NAALADL2: variants seen among roughly 807,000 people sequenced by gnomAD.
The protein encoded by NAALADL2 is N-acetylated alpha-linked acidic dipeptidase like 2, also known as inactive N-acetylated-alpha-linked acidic dipeptidase-like protein 2.
Under a neutral mutation model 87.2 loss-of-function variants are expected in NAALADL2, and 76 were observed. That is an observed-to-expected ratio of 0.87 (90% CI 0.72 to 1.05). The LOEUF (loss-of-function observed/expected upper bound fraction) is 1.05, where lower values mean the gene tolerates loss of function less well. Among genes scored for constraint, NAALADL2 ranks in the 50% least tolerant of loss-of-function variants. The probability of loss-of-function intolerance (pLI) is 0.00; values close to 1 mark genes in which losing one functional copy is unlikely to be tolerated. For synonymous variants in NAALADL2, 354 were observed against 331.0 expected (o/e 1.07, Z -0.75); for missense variants, 1,089 against 945.8 (o/e 1.15, Z -1.99).
intron 2 of NAALADL2, among the ~76,000 whole-genome samples, chr3:174,564,573 C>A (rs114002155): frequency 0.016 from 2,382 of 152,056 alleles, 71 homozygotes; most frequent in African/African-American, 0.054. Context: ...GTCTAAGTAA[C>A]CTAATAGTAT....
chr3:174,874,042 GTTT>G (rs1277257690), intron 1 of NAALADL2, among the ~76,000 whole-genome samples: 1 of 152,046 alleles, frequency 6.6e-6, no homozygotes, highest in Non-Finnish European at 1.5e-5. Flanking sequence ...CTGGAGTGCT[GTTT>G]TTCCTGGGCT....
intron 4 of NAALADL2, among the ~76,000 whole-genome samples, chr3:175,290,070 A>G (rs1755465089): frequency 6.6e-6 from 1 of 152,216 alleles, no homozygotes. Flanking sequence ...AGGCTGTGTG[A>G]TAAGAATGCA....
At chr3:175,563,777 A>G (rs1466061439) in intron 9 of NAALADL2, among the ~76,000 whole-genome samples, 7 of 152,188 alleles carry the variant, frequency 4.6e-5, no homozygotes, top group African/African-American at 1.7e-4. Flanking sequence ...CGACCAAGGT[A>G]ATGGCCCTTA....
chr3:174,470,909 G>T (rs754695832), intron 1 of NAALADL2, among the ~76,000 whole-genome samples: 1 of 152,016 alleles, frequency 6.6e-6, no homozygotes, highest in Non-Finnish European at 1.5e-5. Context: ...CTTCCTTTTT[G>T]TTGGACATTT....
chr3:174,984,188 T>G (rs920661482), intron 1 of NAALADL2, among the ~76,000 whole-genome samples: 22 of 152,294 alleles, frequency 1.4e-4, no homozygotes, highest in African/African-American at 4.8e-4. Context: ...TATAAAAACA[T>G]AAAAGGTTGG....
intron 11 of NAALADL2, among the ~76,000 whole-genome samples, chr3:175,687,813 A>C (rs1736508333): frequency 6.6e-6 from 1 of 151,838 alleles, no homozygotes; most frequent in Non-Finnish European, 1.5e-5. Flanking sequence ...TAGTTGTTTA[A>C]AAAGTGTAGC....
At chr3:174,679,025 G>A (rs1305027062) in intron 2 of NAALADL2, among the ~76,000 whole-genome samples, 1 of 152,028 alleles carries the variant, frequency 6.6e-6, no homozygotes, top group Non-Finnish European at 1.5e-5. Context: ...GTCTAGATAC[G>A]AATTTCTGTT....
chr3:174,592,210 T>C (rs1032602142), intron 2 of NAALADL2, among the ~76,000 whole-genome samples: 1 of 150,934 alleles, frequency 6.6e-6, no homozygotes, highest in Non-Finnish European at 1.5e-5. Context: ...GTATTTCTTT[T>C]TATTTATTTA....
chr3:174,604,763 T>G (rs1230875161), intron 2 of NAALADL2, among the ~76,000 whole-genome samples: 1 of 151,752 alleles, frequency 6.6e-6, no homozygotes, highest in Non-Finnish European at 1.5e-5. Flanking sequence ...TTTTCTTTTC[T>G]TTCTTTCTTT....
intron 2 of NAALADL2, among the ~76,000 whole-genome samples, chr3:175,224,692 A>G (rs1209926960): frequency 1.3e-5 from 2 of 152,104 alleles, no homozygotes; most frequent in African/African-American, 2.4e-5. Context: ...TCAGAAATAT[A>G]CCATTGTCAA....
chr3:174,870,000 C>T (rs939034906), intron 1 of NAALADL2, among the ~76,000 whole-genome samples: 2 of 135,766 alleles, frequency 1.5e-5, no homozygotes, highest in African/African-American at 5.7e-5. Context: ...ACTCCGTCCC[C>T]ACCCGCCAAA....
chr3:175,505,204 G>T (rs1441464890), intron 9 of NAALADL2, among the ~76,000 whole-genome samples: 2 of 151,430 alleles, frequency 1.3e-5, no homozygotes, highest in Non-Finnish European at 2.9e-5. Flanking sequence ...GTTCAGTGTT[G>T]CAGTGAGCTA....
At chr3:175,613,043 T>C (rs183532139) in intron 10 of NAALADL2, among the ~76,000 whole-genome samples, 2 of 151,326 alleles carry the variant, frequency 1.3e-5, no homozygotes, top group Non-Finnish European at 3.0e-5. Flanking sequence ...TCTGAGACTT[T>C]GGCGTGTCTT....
intron 3 of NAALADL2, among the ~76,000 whole-genome samples, chr3:174,844,344 T>C (rs1724356776): frequency 6.6e-6 from 1 of 152,118 alleles, no homozygotes; most frequent in Non-Finnish European, 1.5e-5. Flanking sequence ...ATTTCATTGA[T>C]TTATGTGTTC....
chr3:175,246,645 TTTTA>T (rs1414378855), intron 3 of NAALADL2, among the ~76,000 whole-genome samples: 1 of 152,178 alleles, frequency 6.6e-6, no homozygotes, highest in African/African-American at 2.4e-5. Flanking sequence ...TTAATTACTG[TTTTA>T]TTTATTGTGT....
At chr3:175,129,962 G>C (rs1727556196) in intron 2 of NAALADL2, among the ~76,000 whole-genome samples, 1 of 152,034 alleles carries the variant, frequency 6.6e-6, no homozygotes, top group Admixed American at 6.6e-5. Flanking sequence ...CCACATCCTT[G>C]CCAACACTTG....
At chr3:174,632,721 G>A (rs531979303) in intron 2 of NAALADL2, among the ~76,000 whole-genome samples, 293 of 152,036 alleles carry the variant, frequency 1.9e-3, no homozygotes, top group Middle Eastern at 6.8e-3. Context: ...AGATTGCGAG[G>A]TCAGGAGATC....
chr3:175,503,113 T>A (rs1297841155), intron 9 of NAALADL2, among the ~76,000 whole-genome samples: 1 of 152,098 alleles, frequency 6.6e-6, no homozygotes, highest in Non-Finnish European at 1.5e-5. Context: ...CCTTGGTGTC[T>A]ATTGTTTCCT....
chr3:175,314,690 A>AG (rs1230116243), intron 4 of NAALADL2, among the ~76,000 whole-genome samples: 2 of 51,458 alleles, frequency 3.9e-5, no homozygotes, highest in African/African-American at 1.6e-4. Context: ...ATATATATAT[A>AG]TATATATATA....
Sources: gnomAD v4.1 joint callset for allele counts (sites outside exome capture counted in the v4.1 genomes callset) on GRCh38, gnomAD v4.1.1 for gene constraint, MANE v1.5 for transcripts, NCBI Gene and HGNC (gene_info 2026-07-23, HGNC 2026-07-21) for gene names.